The following FERRY3 variants were observed in gnomAD, a reference collection of about 807,000 sequenced individuals.
FERRY3 encodes protein C12orf4.
the FERRY3 span, among the ~76,000 whole-genome samples, chr12:4,511,091 T>C: frequency 1.3e-5 from 2 of 148,952 alleles, no homozygotes; most frequent in East Asian, 2.0e-4. Context: ...GTTGCAATCC[T>C]AGTCTCTGAT....
the FERRY3 span, among the ~76,000 whole-genome samples, chr12:4,494,651 T>A: frequency 6.6e-6 from 1 of 152,252 alleles, no homozygotes; most frequent in East Asian, 1.9e-4. Flanking sequence ...TATGGATTTA[T>A]GTCTGGATGC....
At chr12:4,509,679 C>G in the FERRY3 span, among the ~76,000 whole-genome samples, 5 of 143,038 alleles carry the variant, frequency 3.5e-5, no homozygotes, top group Admixed American at 3.4e-4. Flanking sequence ...ACATCTGCAG[C>G]TGAGGGTCCT....
the FERRY3 span, among the ~76,000 whole-genome samples, chr12:4,524,442 A>G: frequency 3.7e-4 from 56 of 152,246 alleles, 1 homozygote; most frequent in Non-Finnish European, 5.3e-4. Flanking sequence ...TTCATCCCAT[A>G]AATTTTTACT....
At chr12:4,531,007 C>A in the FERRY3 span, among the ~76,000 whole-genome samples, 1 of 151,722 alleles carries the variant, frequency 6.6e-6, no homozygotes, top group Non-Finnish European at 1.5e-5. Context: ...TTCTTACCCA[C>A]GAAAATATTA....
chr12:4,530,198 G>A, the FERRY3 span: 1 of 667,330 alleles, frequency 1.5e-6, no homozygotes, highest in East Asian at 3.2e-5. Context: ...ATATGTGTGT[G>A]TATTATACAG....
the FERRY3 span, among the ~76,000 whole-genome samples, chr12:4,500,764 T>G: frequency 1.3e-5 from 2 of 152,200 alleles, no homozygotes; most frequent in Admixed American, 1.3e-4. Flanking sequence ...GCAATTCTCC[T>G]GCCTCAGCCT....
At chr12:4,534,528 C>T in the FERRY3 span, among the ~76,000 whole-genome samples, 7 of 152,062 alleles carry the variant, frequency 4.6e-5, no homozygotes, top group African/African-American at 1.7e-4. Flanking sequence ...CTCAGCCTCC[C>T]GAGTAGCTGG....
At chr12:4,489,968 A>AC in the FERRY3 span, 1 of 1,029,724 alleles carries the variant, frequency 9.7e-7, no homozygotes, top group Non-Finnish European at 1.5e-6. Flanking sequence ...TTTTAGAAGT[A>AC]TTTTAAAATA....
chr12:4,528,896 TACACACACACACACACACACACACACAC>T, the FERRY3 span, among the ~76,000 whole-genome samples: 71 of 131,616 alleles, frequency 5.4e-4, no homozygotes, highest in East Asian at 8.0e-3. Context: ...TTAAATCAGT[TACACACACACACACACACACACACACAC>T]ACACACACAC....
chr12:4,511,259 A>G, the FERRY3 span, among the ~76,000 whole-genome samples: 3 of 151,464 alleles, frequency 2.0e-5, no homozygotes, highest in East Asian at 1.9e-4. Context: ...AGTGACCTAC[A>G]AAGAGACTTA....
the FERRY3 span, among the ~76,000 whole-genome samples, chr12:4,520,259 CAA>C: frequency 5.9e-5 from 9 of 152,180 alleles, no homozygotes; most frequent in Non-Finnish European, 1.5e-5. Context: ...GGGCAGGAGA[CAA>C]GAGAGCCTTC....
At chr12:4,511,416 C>T in the FERRY3 span, among the ~76,000 whole-genome samples, 1 of 152,182 alleles carries the variant, frequency 6.6e-6, no homozygotes, top group Non-Finnish European at 1.5e-5. Flanking sequence ...GAACTCTCCA[C>T]CCCAAATCAA....
the FERRY3 span, among the ~76,000 whole-genome samples, chr12:4,495,818 G>C: frequency 6.6e-6 from 1 of 152,124 alleles, no homozygotes; most frequent in Non-Finnish European, 1.5e-5. Context: ...TACAAATTAA[G>C]AACTTCACAC....
chr12:4,536,006 AC>A, the FERRY3 span: 2 of 1,518,030 alleles, frequency 1.3e-6, no homozygotes, highest in Non-Finnish European at 1.8e-6. Flanking sequence ...AAAAAAAAAA[AC>A]AGTCCTCACC....
the FERRY3 span, chr12:4,500,374 T>A: frequency 1.9e-6 from 3 of 1,574,066 alleles, no homozygotes; most frequent in Non-Finnish European, 2.6e-6. Flanking sequence ...GATTACCAAA[T>A]GCCTAAGTAA....
the FERRY3 span, chr12:4,534,347 T>C: frequency 6.5e-7 from 1 of 1,528,394 alleles, no homozygotes; most frequent in South Asian, 1.2e-5. Flanking sequence ...AATCCAGGTA[T>C]AAATAGGGAA....
the FERRY3 span, chr12:4,500,066 A>G: frequency 7.1e-7 from 1 of 1,401,928 alleles, no homozygotes; most frequent in South Asian, 1.2e-5. Context: ...GGATTATTAT[A>G]TAATATTGGG....
At chr12:4,531,112 A>G in the FERRY3 span, among the ~76,000 whole-genome samples, 1 of 152,236 alleles carries the variant, frequency 6.6e-6, no homozygotes. Context: ...CAGTCAGTCA[A>G]CAGGAAAACT....
the FERRY3 span, among the ~76,000 whole-genome samples, chr12:4,492,064 T>A: frequency 2.0e-5 from 3 of 152,154 alleles, no homozygotes; most frequent in Non-Finnish European, 4.4e-5. Flanking sequence ...AATTTTTTTT[T>A]AAATCACTGA....
Sources: gnomAD v4.1 joint callset for allele counts (sites outside exome capture counted in the v4.1 genomes callset) on GRCh38, gnomAD v4.1.1 for gene constraint, MANE v1.5 for transcripts, NCBI Gene and HGNC (gene_info 2026-07-23, HGNC 2026-07-21) for gene names.